The following USH2A variants were observed in gnomAD, a reference collection of about 807,000 sequenced individuals.
USH2A encodes the protein usherin, also known as Usher syndrome 2A (autosomal recessive, mild).
A neutral mutation model predicts 538.9 loss-of-function variants in USH2A; 443 were observed. The ratio of observed to expected loss-of-function variants is 0.82; its 90% CI spans 0.76 to 0.89. The LOEUF (loss-of-function observed/expected upper bound fraction) is 0.89. USH2A is among the 40% of genes least tolerant of loss of function. The pLI is 0.00. For missense variants in USH2A, 6,633 were observed against 6,324.8 expected, an observed-to-expected ratio of 1.05 and a Z score of -1.65; for synonymous variants, 2,413 against 2,273.5, an observed-to-expected ratio of 1.06 and a Z score of -1.75.
At chr1:216,152,257 C>T (rs1166235042) in intron 21 of USH2A, among the ~76,000 whole-genome samples, 19 of 152,320 alleles carry the variant, frequency 1.2e-4, no homozygotes, top group African/African-American at 4.3e-4. Context: ...GTGACCTGCA[C>T]GTATACGCCC....
intron 21 of USH2A, among the ~76,000 whole-genome samples, chr1:216,136,302 C>T (rs2033485891): frequency 6.6e-6 from 1 of 152,108 alleles, no homozygotes; most frequent in Admixed American, 6.5e-5. Context: ...AATTATGTTG[C>T]ATTACCAGGA....
chr1:216,120,003 A>G (rs1263916518), intron 21 of USH2A, among the ~76,000 whole-genome samples: 1 of 152,108 alleles, frequency 6.6e-6, no homozygotes, highest in Non-Finnish European at 1.5e-5. Context: ...TTTATTGAAA[A>G]AGAATAAAAT....
intron 19 of USH2A, among the ~76,000 whole-genome samples, chr1:216,195,219 G>A (rs2034812115): frequency 6.6e-6 from 1 of 152,090 alleles, no homozygotes. Flanking sequence ...TAAAATGGAA[G>A]TGGATGTCTG....
intron 20 of USH2A, among the ~76,000 whole-genome samples, chr1:216,178,270 A>G (rs568680474): frequency 6.6e-6 from 1 of 152,324 alleles, no homozygotes; most frequent in Admixed American, 6.5e-5. Flanking sequence ...ATTTTTATAT[A>G]TGTATGAATC....
At chr1:216,057,329 T>G (rs542719549) in intron 30 of USH2A, among the ~76,000 whole-genome samples, 1 of 152,178 alleles carries the variant, frequency 6.6e-6, no homozygotes, top group African/African-American at 2.4e-5. Context: ...TAGGCCATAT[T>G]TTCGTCCTGT....
chr1:216,289,418 A>G lies in USH2A; in HGVS notation c.1841-8T>C. The G allele has an allele frequency of 6.2e-7, 1 of 1,613,810 alleles. No individual in the cohort carries two copies. Among genetic ancestry groups the G allele is most frequent in the Non-Finnish European group, 8.5e-7 (1 of 1,179,724 alleles). On this transcript the variant is annotated splice_region_variant and splice_polypyrimidine_tract_variant and intron_variant, in intron 10 of 71. Coordinates refer to ENST00000307340, the MANE Select transcript of USH2A (RefSeq NM_206933.4). ...ACAGCTCACAGTTCCTTCCTGCATCAGGGAAAGGTTATGCATTATGACTTC... is the reference window on the plus strand; with the variant it reads ...ACAGCTCACAGTTCCTTCCTGCATCGGGGAAAGGTTATGCATTATGACTTC...
At chr1:216,193,419 T>G (rs1226623738) in intron 19 of USH2A, among the ~76,000 whole-genome samples, 3 of 152,070 alleles carry the variant, frequency 2.0e-5, no homozygotes, top group African/African-American at 7.2e-5. Context: ...TTTTCATCAG[T>G]ATAGAAAATA....
At chr1:216,421,798 C>T in intron 2 of USH2A, 54 bp downstream of exon 2, 1 of 1,613,128 alleles carries the variant, frequency 6.2e-7, no homozygotes, top group Non-Finnish European at 8.5e-7. Flanking sequence ...AAATGATCTT[C>T]ACTACTACTG....
In USH2A at chr1:215,830,119, C is replaced by T. The variant is rs1195495817; in HGVS notation, c.9371+7872G>A. Among the ~76,000 whole-genome samples, 5 of 152,216 alleles carry T rather than the reference C, an allele frequency of 3.3e-5. 1 individual carries two copies. In the East Asian group the frequency reaches 9.7e-4, roughly 29 times the overall value. ...TGAGTTTCCCATTTTTTTTCCCCCT[C>T]CTTTACTTCCCATCTTTAACCCAAG... On this transcript the variant is annotated intron_variant, in intron 47 of 71. Transcript: ENST00000307340.
In USH2A at chr1:216,080,635, C is replaced by A. The variant is rs145402975; in HGVS notation, c.5299-2273G>T. Among the ~76,000 whole-genome samples the A allele has an allele frequency of 3.0e-4, 45 of 151,642 alleles. 1 individual carries two copies. Among genetic ancestry groups the A allele is most frequent in the African/African-American group, 1.1e-3 (45 of 41,314 alleles). On this transcript the variant is annotated intron_variant, in intron 26 of 71. Transcript: ENST00000307340. ...GGCTTCACAGACAAAAGAAAAAACA[C>A]TAAGGAAAATAAATTTCAATCATTC...
chr1:216,273,418 G>T (rs2036611721), intron 11 of USH2A, among the ~76,000 whole-genome samples: 1 of 151,918 alleles, frequency 6.6e-6, no homozygotes. Context: ...GGGTAAGGGT[G>T]GTTAAAATAG....
chr1:215,634,004 C>T (rs1424872682), intron 70 of USH2A, among the ~76,000 whole-genome samples: 11 of 152,118 alleles, frequency 7.2e-5, no homozygotes, highest in Admixed American at 7.2e-4. Flanking sequence ...CCCCTTCCTC[C>T]CCATCTCCGC....
intron 32 of USH2A, among the ~76,000 whole-genome samples, chr1:216,014,916 T>G (rs1668669531): frequency 6.6e-6 from 1 of 152,244 alleles, no homozygotes; most frequent in African/African-American, 2.4e-5. Flanking sequence ...GTGATGATTT[T>G]CTTTAAACTC....
At chr1:215,836,846 A>G (rs899364943) in intron 47 of USH2A, among the ~76,000 whole-genome samples, 8 of 151,220 alleles carry the variant, frequency 5.3e-5, no homozygotes, top group African/African-American at 1.5e-4. Context: ...GTGAGCCACC[A>G]CGCCCCACCT....
chr1:216,331,774 T>C (rs868586036), intron 4 of USH2A, among the ~76,000 whole-genome samples: 28 of 152,228 alleles, frequency 1.8e-4, no homozygotes, highest in Middle Eastern at 6.8e-3. Flanking sequence ...ATATTAGTTA[T>C]AAATCTATTA....
intron 47 of USH2A, 65 bp from the exon 48 acceptor site, chr1:215,817,260 T>A: frequency 6.6e-7 from 1 of 1,509,958 alleles, no homozygotes; most frequent in Non-Finnish European, 9.2e-7. Flanking sequence ...CTATCAGTCT[T>A]AAGTAAAAAG....
intron 23 of USH2A, 38 bp from the exon 24 acceptor site, chr1:216,086,858 A>T: frequency 6.7e-7 from 1 of 1,502,942 alleles, no homozygotes; most frequent in Non-Finnish European, 9.3e-7. Context: ...CTTCACCAGG[A>T]TACTCTAGTT....
intron 18 of USH2A, 79 bp from the exon 19 acceptor site, chr1:216,196,801 C>A: frequency 1.4e-6 from 2 of 1,471,600 alleles, no homozygotes; most frequent in South Asian, 1.2e-5. Flanking sequence ...TTCACACATT[C>A]ATTTAGTTTC....
At position 216,097,276 on chromosome 1, in the gene USH2A, G is replaced by A. The variant is rs7540411; in HGVS notation, c.4628-63C>T. On this transcript the variant is annotated intron_variant, in intron 21 of 71. Transcript: ENST00000307340. ...GTTTTGTTGATTCTTTCTGATAAATGTACATTTACTTTCATTATTATTTAT... is the reference window on the plus strand; with the variant it reads ...GTTTTGTTGATTCTTTCTGATAAATATACATTTACTTTCATTATTATTTAT... 0.13 allele frequency: 214,630 copies of A among 1,611,552 alleles called. 15,214 individuals carry two copies. Among genetic ancestry groups the A allele is most frequent in the Middle Eastern group, 0.18 (1,075 of 6,056 alleles).
Sources: allele counts gnomAD v4.1 joint callset (sites outside exome capture counted in the v4.1 genomes callset), GRCh38; gene constraint gnomAD v4.1.1; transcripts MANE v1.5; gene names NCBI Gene and HGNC (gene_info 2026-07-23, HGNC 2026-07-21).